Variants in ZNF536 observed in about 807,000 individuals in gnomAD.
ZNF536 encodes zinc finger protein 536.
ZNF536 carries 13 observed loss-of-function variants against 84.5 expected under a neutral mutation model. The observed-to-expected ratio is 0.15, with a 90% CI of 0.10 to 0.24. The LOEUF (loss-of-function observed/expected upper bound fraction) is 0.24. ZNF536 is among the 10% of genes least tolerant of loss of function. ZNF536 has a pLI of 1.00. For missense variants in ZNF536, 1,536 were observed against 1,747.5 expected (o/e 0.88, Z 2.16); for synonymous variants, 811 against 742.5 (o/e 1.09, Z -1.50).
At chr19:30,480,994 A>C (rs1256986573) in intron 2 of ZNF536, among the ~76,000 whole-genome samples, 3 of 145,860 alleles carry the variant, frequency 2.1e-5, no homozygotes, top group East Asian at 2.0e-4. Flanking sequence ...ATGTCACTGG[A>C]CTCCAGCCTG....
chr19:30,706,011 T>C (rs1265248752), intron 1 of ZNF536, among the ~76,000 whole-genome samples: 1 of 152,188 alleles, frequency 6.6e-6, no homozygotes, highest in Non-Finnish European at 1.5e-5. Flanking sequence ...TTATACCAAG[T>C]TGGCCAAATC....
chr19:30,463,574 G>C (rs951365873), intron 2 of ZNF536, among the ~76,000 whole-genome samples: 25 of 152,176 alleles, frequency 1.6e-4, no homozygotes, highest in African/African-American at 6.0e-4. Flanking sequence ...TTTCCATCAT[G>C]CTTCCCTGCA....
intron 2 of ZNF536, among the ~76,000 whole-genome samples, chr19:30,524,463 G>A (rs1269473240): frequency 6.6e-6 from 1 of 152,190 alleles, no homozygotes; most frequent in South Asian, 2.1e-4. Flanking sequence ...ATGAAAGATA[G>A]TGCAAGGTGC....
At chr19:30,649,844 TTTAA>T (rs2147438407) in intron 1 of ZNF536, among the ~76,000 whole-genome samples, 1 of 152,308 alleles carries the variant, frequency 6.6e-6, no homozygotes, top group South Asian at 2.1e-4. Context: ...TGTCTGACGT[TTTAA>T]TTGTTAGTTT....
At chr19:30,300,230 C>A (rs1390561467) in intron 2 of ZNF536, among the ~76,000 whole-genome samples, 1 of 152,168 alleles carries the variant, frequency 6.6e-6, no homozygotes. Flanking sequence ...ACCTGTTGTC[C>A]ATCCCAATTC....
At chr19:30,483,692 T>G (rs113410425) in intron 2 of ZNF536, among the ~76,000 whole-genome samples, 10 of 152,184 alleles carry the variant, frequency 6.6e-5, no homozygotes, top group African/African-American at 2.2e-4. Flanking sequence ...CCCGGTAGCT[T>G]GCTCCAAACC....
chr19:30,457,536 C>T (rs1207575472), intron 2 of ZNF536, among the ~76,000 whole-genome samples: 1 of 152,230 alleles, frequency 6.6e-6, no homozygotes, highest in African/African-American at 2.4e-5. Flanking sequence ...GCACCCTACA[C>T]ACCACATAGG....
intron 1 of ZNF536, among the ~76,000 whole-genome samples, chr19:30,583,739 A>T (rs2047002137): frequency 6.6e-6 from 1 of 152,184 alleles, no homozygotes; most frequent in African/African-American, 2.4e-5. Flanking sequence ...ACTAGCACAG[A>T]GTAGGTCCTC....
At chr19:30,705,309 A>ATGTGTGTGTGTGTGTGTGTGTGTG (rs56199909) in intron 1 of ZNF536, among the ~76,000 whole-genome samples, 1 of 149,110 alleles carries the variant, frequency 6.7e-6, no homozygotes, top group African/African-American at 2.5e-5. Context: ...ACTCAGAAAG[A>ATGTGTGTGTGTGTGTGTGTGTGTG]TGTGTGTGTG....
intron 1 of ZNF536, among the ~76,000 whole-genome samples, chr19:30,268,238 C>A (rs1445057488): frequency 6.6e-6 from 1 of 152,062 alleles, no homozygotes; most frequent in Non-Finnish European, 1.5e-5. Flanking sequence ...TTAGTGGTGA[C>A]CTGAGTACAT....
At chr19:30,519,771 C>T (rs1346425707) in intron 2 of ZNF536, among the ~76,000 whole-genome samples, 1 of 152,200 alleles carries the variant, frequency 6.6e-6, no homozygotes, top group African/African-American at 2.4e-5. Context: ...ATTCATTCGG[C>T]TGGTCACCAG....
intron 2 of ZNF536, among the ~76,000 whole-genome samples, chr19:30,344,947 A>T (rs2047693352): frequency 6.6e-6 from 1 of 152,330 alleles, no homozygotes; most frequent in East Asian, 1.9e-4. Flanking sequence ...GGAGACACAG[A>T]TTGGATGCTA....
At chr19:30,573,061 T>C (rs2046608331) in intron 1 of ZNF536, among the ~76,000 whole-genome samples, 2 of 151,956 alleles carry the variant, frequency 1.3e-5, no homozygotes, top group African/African-American at 4.8e-5. Flanking sequence ...AAGGAGAGGG[T>C]ACAGGAAAGA....
intron 1 of ZNF536, among the ~76,000 whole-genome samples, chr19:30,607,039 A>G (rs1239799321): frequency 1.3e-5 from 2 of 152,198 alleles, no homozygotes; most frequent in Non-Finnish European, 2.9e-5. Flanking sequence ...CAACCTGGCT[A>G]TCTCTGCACA....
intron 1 of ZNF536, among the ~76,000 whole-genome samples, chr19:30,375,224 A>G (rs2147086515): frequency 6.7e-6 from 1 of 148,316 alleles, no homozygotes; most frequent in South Asian, 2.1e-4. Flanking sequence ...TGCCACCCCG[A>G]GGCCGAGCGC....
intron 1 of ZNF536, among the ~76,000 whole-genome samples, chr19:30,404,322 G>C (rs2050177644): frequency 6.6e-6 from 1 of 151,504 alleles, no homozygotes; most frequent in South Asian, 2.1e-4. Flanking sequence ...GCCAGAGGGG[G>C]ACACTGTTTT....
At chr19:30,259,358 A>G (rs1196277780) in intron 1 of ZNF536, among the ~76,000 whole-genome samples, 1 of 152,200 alleles carries the variant, frequency 6.6e-6, no homozygotes, top group East Asian at 1.9e-4. Context: ...CCCTTACAGA[A>G]AAAGAATGCA....
intron 1 of ZNF536, among the ~76,000 whole-genome samples, chr19:30,707,837 C>T (rs976507497): frequency 3.3e-5 from 5 of 151,696 alleles, no homozygotes; most frequent in Non-Finnish European, 7.4e-5. Context: ...TGGAGAAACC[C>T]CATCTCTACT....
intron 2 of ZNF536, among the ~76,000 whole-genome samples, chr19:30,521,862 T>C (rs887516488): frequency 2.0e-5 from 3 of 152,134 alleles, no homozygotes; most frequent in Admixed American, 6.5e-5. Context: ...CCCATGTGGA[T>C]ATATCAGAAG....
Sources: gnomAD v4.1 joint callset for allele counts (sites outside exome capture counted in the v4.1 genomes callset) on GRCh38, gnomAD v4.1.1 for gene constraint, MANE v1.5 for transcripts, NCBI Gene and HGNC (gene_info 2026-07-23, HGNC 2026-07-21) for gene names.